Variants in EIF3H observed in about 807,000 individuals in gnomAD.
EIF3H encodes the protein eIF-3-gamma.
EIF3H carries 26 observed loss-of-function variants against 44.2 expected under a neutral mutation model. That is an observed-to-expected ratio of 0.59 (90% CI 0.43 to 0.82). EIF3H has a LOEUF of 0.82. EIF3H is among the 40% of genes least tolerant of loss of function. EIF3H has a pLI of 0.00. For synonymous variants in EIF3H, 166 were observed against 151.9 expected (o/e 1.09, Z -0.68); for missense variants, 359 against 432.8 (o/e 0.83, Z 1.51).
At chr8:116,754,895 AG>A (rs1815414954) in intron 1 of EIF3H, among the ~76,000 whole-genome samples, 1 of 152,272 alleles carries the variant, frequency 6.6e-6, no homozygotes, top group South Asian at 2.1e-4. Flanking sequence ...CTGCATTAAT[AG>A]GAAATAACCT....
chr8:116,664,814 T>C (rs1429458499), intron 2 of EIF3H, among the ~76,000 whole-genome samples: 1 of 152,230 alleles, frequency 6.6e-6, no homozygotes, highest in Non-Finnish European at 1.5e-5. Context: ...TTTAATGACT[T>C]AATATTTTAT....
chr8:116,763,914 T>C (rs893483682), intron 1 of EIF3H, among the ~76,000 whole-genome samples: 3 of 152,178 alleles, frequency 2.0e-5, no homozygotes, highest in East Asian at 1.9e-4. Flanking sequence ...CCATGAATCT[T>C]TCATGAGAAA....
chr8:116,694,944 TG>T (rs1239681670), intron 2 of EIF3H, among the ~76,000 whole-genome samples: 1 of 152,108 alleles, frequency 6.6e-6, no homozygotes, highest in Non-Finnish European at 1.5e-5. Context: ...AAAATAAAAA[TG>T]TATCTCCATA....
At chr8:116,763,946 T>C (rs899626974) in intron 1 of EIF3H, among the ~76,000 whole-genome samples, 1 of 152,212 alleles carries the variant, frequency 6.6e-6, no homozygotes, top group Non-Finnish European at 1.5e-5. Context: ...GAATTAGTCA[T>C]ACGTTTCAAA....
intron 1 of EIF3H, among the ~76,000 whole-genome samples, chr8:116,761,518 AT>A: frequency 6.6e-6 from 1 of 152,344 alleles, no homozygotes; most frequent in Middle Eastern, 3.4e-3. Context: ...TCTCAAAAAA[AT>A]AAATACATAC....
At chr8:116,706,262 G>A (rs747194872) in intron 2 of EIF3H, among the ~76,000 whole-genome samples, 123 of 152,128 alleles carry the variant, frequency 8.1e-4, no homozygotes, top group Non-Finnish European at 1.3e-3. Flanking sequence ...ACAGCCCCTT[G>A]GTTTTCATTC....
At chr8:116,666,373 A>G (rs1265160410) in intron 2 of EIF3H, among the ~76,000 whole-genome samples, 1 of 152,160 alleles carries the variant, frequency 6.6e-6, no homozygotes, top group Non-Finnish European at 1.5e-5. Flanking sequence ...CTGTGTCTCA[A>G]GAAGTCTTCT....
At chr8:116,656,831 T>C (rs1813498585) in intron 4 of EIF3H, among the ~76,000 whole-genome samples, 1 of 152,146 alleles carries the variant, frequency 6.6e-6, no homozygotes, top group Non-Finnish European at 1.5e-5. Context: ...TGTTTATATC[T>C]TTCCCACCCC....
chr8:116,669,791 G>A (rs1235055802), intron 2 of EIF3H, among the ~76,000 whole-genome samples: 1 of 152,244 alleles, frequency 6.6e-6, no homozygotes, highest in African/African-American at 2.4e-5. Flanking sequence ...TATAGAAAAG[G>A]TTAGGAAGAG....
chr8:116,690,237 T>C (rs1247361887), intron 2 of EIF3H, among the ~76,000 whole-genome samples: 1 of 152,148 alleles, frequency 6.6e-6, no homozygotes, highest in African/African-American at 2.4e-5. Context: ...CAGAAACTAC[T>C]AGAGTCACAT....
chr8:116,726,174 TA>T lies in EIF3H; in HGVS notation c.133-3del. 6.2e-7 allele frequency: 1 copy of T among 1,612,558 alleles called. No individual in the cohort carries two copies. Among genetic ancestry groups the T allele is most frequent in the East Asian group, 2.2e-5 (1 of 44,834 alleles). ...ATGTTTGATTATCTTTAATACCACC[TA>T]AAACATACACACACAGAAGGGAGCT... On this transcript the variant is annotated splice_region_variant and splice_polypyrimidine_tract_variant and intron_variant, in intron 1 of 7. Coordinates refer to ENST00000521861, the MANE Select transcript of EIF3H (RefSeq NM_003756.3).
chr8:116,695,948 T>A (rs1405455569), intron 2 of EIF3H, among the ~76,000 whole-genome samples: 3 of 152,254 alleles, frequency 2.0e-5, no homozygotes, highest in Non-Finnish European at 4.4e-5. Context: ...GAGTTGGAGC[T>A]ATCAGTGTAA....
At chr8:116,657,502 A>G (rs965943041) in intron 3 of EIF3H, 188 bp from the exon 4 acceptor site, 17 of 589,846 alleles carry the variant, frequency 2.9e-5, no homozygotes, top group Middle Eastern at 9.0e-4. Context: ...AAATGCAGGA[A>G]TACCTCTATC....
intron 2 of EIF3H, among the ~76,000 whole-genome samples, chr8:116,711,762 T>A: frequency 6.6e-6 from 1 of 152,214 alleles, no homozygotes; most frequent in East Asian, 1.9e-4. Context: ...CCAGACACAT[T>A]TACCTGCATA....
intron 2 of EIF3H, among the ~76,000 whole-genome samples, chr8:116,712,121 G>C (rs962896534): frequency 1.3e-5 from 2 of 152,194 alleles, no homozygotes; most frequent in South Asian, 2.1e-4. Flanking sequence ...CGCCGCTGCT[G>C]CTGCTGTCAT....
chr8:116,672,605 A>G (rs1813775817), intron 2 of EIF3H, among the ~76,000 whole-genome samples: 1 of 152,024 alleles, frequency 6.6e-6, no homozygotes, highest in African/African-American at 2.4e-5. Flanking sequence ...ACTCCAGCCT[A>G]GTCCACAGAG....
At chr8:116,697,859 G>A (rs1044408263) in intron 2 of EIF3H, among the ~76,000 whole-genome samples, 2 of 152,106 alleles carry the variant, frequency 1.3e-5, no homozygotes, top group African/African-American at 4.8e-5. Context: ...CTTTAGTGGG[G>A]GGCATACCCT....
At chr8:116,700,776 T>G (rs1814361764) in intron 2 of EIF3H, among the ~76,000 whole-genome samples, 2 of 152,200 alleles carry the variant, frequency 1.3e-5, no homozygotes, top group Non-Finnish European at 2.9e-5. Flanking sequence ...CCATTTGTAA[T>G]GCAAAAGTTA....
chr8:116,662,676 G>T (rs1436579081), intron 2 of EIF3H, among the ~76,000 whole-genome samples: 1 of 152,092 alleles, frequency 6.6e-6, no homozygotes, highest in Non-Finnish European at 1.5e-5. Context: ...TCCTGCAAAA[G>T]CTTCCTGGTA....
Sources: allele counts gnomAD v4.1 joint callset (sites outside exome capture counted in the v4.1 genomes callset), GRCh38; gene constraint gnomAD v4.1.1; transcripts MANE v1.5; gene names NCBI Gene and HGNC (gene_info 2026-07-23, HGNC 2026-07-21).